The following FAAH2 variants were observed in gnomAD, a reference collection of about 807,000 sequenced individuals.
FAAH2 encodes the protein fatty acid amide hydrolase 2, also known as fatty-acid amide hydrolase 2.
Under a neutral mutation model 36.9 loss-of-function variants are expected in FAAH2, and 60 were observed. That is an observed-to-expected ratio of 1.63 (90% CI 1.32 to 2.02). The LOEUF (loss-of-function observed/expected upper bound fraction) is 2.02, where lower values mean the gene tolerates loss of function less well. Among genes scored for constraint, FAAH2 ranks in the 30% most tolerant of loss-of-function variants. The probability of loss-of-function intolerance (pLI) is 0.00; values close to 1 mark genes in which losing one functional copy is unlikely to be tolerated. For missense variants in FAAH2, 689 were observed against 397.5 expected, an observed-to-expected ratio of 1.73 and a Z score of -6.23; for synonymous variants, 214 against 143.8, an observed-to-expected ratio of 1.49 and a Z score of -3.49.
chrX:57,320,376 C>T (rs1182058264), intron 3 of FAAH2, among the ~76,000 whole-genome samples: 1 of 112,043 alleles, frequency 8.9e-6, no homozygotes, highest in Non-Finnish European at 1.9e-5. Context: ...ATAGACACTT[C>T]TCAAAAGAAG....
chrX:57,325,136 T>A (rs1472070325), intron 3 of FAAH2, among the ~76,000 whole-genome samples: 1 of 112,251 alleles, frequency 8.9e-6, no homozygotes, highest in Non-Finnish European at 1.9e-5. Flanking sequence ...TATGCTGGAT[T>A]GCATTTATTG....
the FAAH2 span, among the ~76,000 whole-genome samples, chrX:57,172,468 G>A: frequency 5.4e-5 from 6 of 110,765 alleles, no homozygotes; most frequent in Non-Finnish European, 9.4e-5. Context: ...AGCCCCAGTG[G>A]GCGTGTGCTA....
chrX:57,398,604 G>A (rs765915549), intron 7 of FAAH2, among the ~76,000 whole-genome samples: 38 of 109,718 alleles, frequency 3.5e-4, no homozygotes, highest in Non-Finnish European at 6.7e-4. Context: ...CCCATAAAAT[G>A]GGAGGTGACC....
chrX:57,272,057 T>A, the FAAH2 span, among the ~76,000 whole-genome samples: 2 of 108,488 alleles, frequency 1.8e-5, no homozygotes, highest in African/African-American at 6.7e-5. Flanking sequence ...GAGAAGAACA[T>A]ATATGATCTG....
chrX:57,168,646 T>C, the FAAH2 span, among the ~76,000 whole-genome samples: 3 of 111,481 alleles, frequency 2.7e-5, no homozygotes, highest in Admixed American at 1.9e-4. Flanking sequence ...TGTATAGTGA[T>C]TTTGCAAACC....
At chrX:57,439,977 C>T (rs952450081) in intron 8 of FAAH2, among the ~76,000 whole-genome samples, 2 of 111,393 alleles carry the variant, frequency 1.8e-5, no homozygotes, top group African/African-American at 6.5e-5. Flanking sequence ...GTTTTGGTAC[C>T]AGTACCATGC....
intron 7 of FAAH2, chrX:57,392,787 G>T (rs1205383746): frequency 8.0e-6 from 5 of 627,023 alleles, no homozygotes; most frequent in Middle Eastern, 3.0e-4. Context: ...GTTGCGAATG[G>T]GCAGAATGAA....
chrX:57,200,490 T>C, the FAAH2 span, among the ~76,000 whole-genome samples: 1 of 108,809 alleles, frequency 9.2e-6, no homozygotes, highest in African/African-American at 3.3e-5. Context: ...GTGATTCCCC[T>C]GCCTCAGCCT....
Position 57,392,449 on chromosome X carries a change from C to T in FAAH2, c.996+11420C>T, listed in dbSNP as rs959868255. ...CGTCACTAACGTAAATAGACATGTGCATGATTTATGTTAATTTATACACGA... is the reference window on the plus strand; with the variant it reads ...CGTCACTAACGTAAATAGACATGTGTATGATTTATGTTAATTTATACACGA... On this transcript the variant is annotated intron_variant, in intron 7 of 10. Transcript: ENST00000374900. Among the ~76,000 whole-genome samples the T allele has an allele frequency of 6.0e-4, 67 of 111,373 alleles. 1 individual carries two copies. The Middle Eastern group carries it at 0.019, about 31-fold the overall frequency.
chrX:57,185,551 C>A, the FAAH2 span, among the ~76,000 whole-genome samples: 1 of 101,987 alleles, frequency 9.8e-6, no homozygotes, highest in Non-Finnish European at 2.0e-5. Context: ...TGTGTGTGTG[C>A]GTGTTTTACT....
chrX:57,163,970 G>A, the FAAH2 span, among the ~76,000 whole-genome samples: 1 of 112,249 alleles, frequency 8.9e-6, no homozygotes, highest in South Asian at 3.7e-4. Flanking sequence ...ATGATTTCCT[G>A]GTAAATATTA....
intron 3 of FAAH2, among the ~76,000 whole-genome samples, 173 bp from the exon 4 acceptor site, chrX:57,331,425 C>A (rs1025602915): frequency 1.8e-5 from 2 of 110,653 alleles, no homozygotes; most frequent in African/African-American, 6.6e-5. Flanking sequence ...TCCATCCACC[C>A]TCAATGCCTT....
At chrX:57,412,738 C>T (rs1036977589) in intron 7 of FAAH2, among the ~76,000 whole-genome samples, 1 of 111,637 alleles carries the variant, frequency 9.0e-6, no homozygotes, top group African/African-American at 3.3e-5. Flanking sequence ...GGTATATACC[C>T]AGTAATGGGA....
At chrX:57,142,257 C>T in the FAAH2 span, among the ~76,000 whole-genome samples, 2 of 111,632 alleles carry the variant, frequency 1.8e-5, no homozygotes, top group African/African-American at 6.5e-5. Context: ...AGTCTTTCCT[C>T]TTAGTATTGC....
the FAAH2 span, among the ~76,000 whole-genome samples, chrX:57,189,949 C>A: frequency 8.9e-6 from 1 of 112,327 alleles, no homozygotes; most frequent in African/African-American, 3.2e-5. Context: ...AAAATTACTG[C>A]TTTCTTCAGA....
At chrX:57,417,582 G>A (rs959173116) in intron 7 of FAAH2, among the ~76,000 whole-genome samples, 16 of 112,079 alleles carry the variant, frequency 1.4e-4, no homozygotes, top group Non-Finnish European at 2.6e-4. Flanking sequence ...AAAGATTGCT[G>A]CCTGTTTCTT....
intron 9 of FAAH2, among the ~76,000 whole-genome samples, chrX:57,447,284 C>T (rs2056695009): frequency 9.0e-6 from 1 of 111,216 alleles, no homozygotes; most frequent in South Asian, 3.9e-4. Context: ...TAGCCTCCCT[C>T]CAAGTTGCTT....
the FAAH2 span, among the ~76,000 whole-genome samples, chrX:57,166,466 C>A: frequency 8.9e-6 from 1 of 112,042 alleles, no homozygotes; most frequent in Admixed American, 9.4e-5. Context: ...TGCCCATAGG[C>A]ATGCTCCCCC....
chrX:57,414,437 T>C (rs1270153056), intron 7 of FAAH2, among the ~76,000 whole-genome samples: 1 of 112,065 alleles, frequency 8.9e-6, no homozygotes, highest in Non-Finnish European at 1.9e-5. Context: ...GGGTGTTGAA[T>C]TTTATCAAAG....
Sources: gnomAD v4.1 joint callset for allele counts (sites outside exome capture counted in the v4.1 genomes callset) on GRCh38, gnomAD v4.1.1 for gene constraint, MANE v1.5 for transcripts, NCBI Gene and HGNC (gene_info 2026-07-23, HGNC 2026-07-21) for gene names.